The following CADM2 variants were observed in gnomAD, a reference collection of about 807,000 sequenced individuals.
CADM2 encodes the protein immunoglobulin superfamily member 4D.
Under a neutral mutation model 49.8 loss-of-function variants are expected in CADM2, and 12 were observed. That is an observed-to-expected ratio of 0.24 (90% CI 0.15 to 0.39). CADM2 has a LOEUF of 0.39. Ranked by LOEUF, CADM2 falls within the 10% of genes least tolerant of loss-of-function variation. CADM2 has a pLI of 1.00. For synonymous variants in CADM2, 214 were observed against 175.4 expected (o/e 1.22, Z -1.74); for missense variants, 378 against 492.3 (o/e 0.77, Z 2.20).
intron 1 of CADM2, among the ~76,000 whole-genome samples, chr3:85,100,451 C>T (rs2037970242): frequency 6.6e-6 from 1 of 152,122 alleles, no homozygotes; most frequent in Non-Finnish European, 1.5e-5. Flanking sequence ...TATCCTAATG[C>T]ATTGAAAAAT....
intron 8 of CADM2, among the ~76,000 whole-genome samples, chr3:86,019,485 C>T (rs1389064381): frequency 6.0e-5 from 9 of 150,714 alleles, no homozygotes; most frequent in East Asian, 2.0e-4. Flanking sequence ...GCCATTTTCA[C>T]GATATTGATT....
chr3:86,030,041 A>T (rs1047751499), intron 8 of CADM2, among the ~76,000 whole-genome samples: 2 of 151,950 alleles, frequency 1.3e-5, no homozygotes, highest in African/African-American at 2.4e-5. Flanking sequence ...TGTGTAGGTT[A>T]AGGAAGGGGG....
At chr3:85,578,899 T>C (rs1033818779) in intron 1 of CADM2, among the ~76,000 whole-genome samples, 2 of 152,164 alleles carry the variant, frequency 1.3e-5, no homozygotes, top group Non-Finnish European at 2.9e-5. Flanking sequence ...GTATTTTAAA[T>C]TGAAAAGGTG....
chr3:85,898,428 C>A (rs1293909130), intron 5 of CADM2, among the ~76,000 whole-genome samples: 1 of 152,052 alleles, frequency 6.6e-6, no homozygotes, highest in Non-Finnish European at 1.5e-5. Flanking sequence ...TTATTTATAT[C>A]CTTTCCAACA....
intron 1 of CADM2, among the ~76,000 whole-genome samples, chr3:85,691,981 G>A (rs2066402814): frequency 6.6e-6 from 1 of 152,108 alleles, no homozygotes. Context: ...GTTGTGGGGT[G>A]GGAGAAGGGG....
At chr3:85,855,641 T>TATATATATATATATATA (rs71112122) in intron 3 of CADM2, among the ~76,000 whole-genome samples, 1 of 133,178 alleles carries the variant, frequency 7.5e-6, no homozygotes, top group Non-Finnish European at 1.6e-5. Flanking sequence ...TATATATATA[T>TATATATATATATATATA]TTTGAGACGG....
chr3:85,852,447 A>G (rs951496433), intron 3 of CADM2, among the ~76,000 whole-genome samples: 1 of 152,142 alleles, frequency 6.6e-6, no homozygotes, highest in Admixed American at 6.5e-5. Flanking sequence ...GTGGACATTA[A>G]ATAAATACTC....
intron 1 of CADM2, among the ~76,000 whole-genome samples, chr3:85,345,779 TAAGTATAA>T (rs1216597215): frequency 6.6e-6 from 1 of 152,188 alleles, no homozygotes; most frequent in Non-Finnish European, 1.5e-5. Flanking sequence ...TGAATGAGAT[TAAGTATAA>T]ATGTCAATAT....
chr3:85,835,789 A>T (rs1184220579), intron 3 of CADM2, among the ~76,000 whole-genome samples: 2 of 148,388 alleles, frequency 1.3e-5, no homozygotes, highest in Admixed American at 1.4e-4. Context: ...CTTGCTTGCA[A>T]AAAACAGACT....
At chr3:85,590,284 G>A (rs1451748127) in intron 1 of CADM2, among the ~76,000 whole-genome samples, 1 of 152,038 alleles carries the variant, frequency 6.6e-6, no homozygotes, top group Non-Finnish European at 1.5e-5. Flanking sequence ...TGCTAAGGTA[G>A]AGAGAATAGT....
At chr3:85,145,103 A>T (rs1470220872) in intron 1 of CADM2, among the ~76,000 whole-genome samples, 5 of 152,142 alleles carry the variant, frequency 3.3e-5, no homozygotes, top group Admixed American at 1.3e-4. Flanking sequence ...GCTAAGGAAA[A>T]TTTTTTGGAA....
At chr3:85,043,285 A>G (rs936183719) in intron 1 of CADM2, among the ~76,000 whole-genome samples, 1 of 151,824 alleles carries the variant, frequency 6.6e-6, no homozygotes, top group East Asian at 2.0e-4. Flanking sequence ...ACTATTTCTC[A>G]TTTTCTTCAG....
At chr3:85,724,174 A>G (rs558549229) in intron 1 of CADM2, among the ~76,000 whole-genome samples, 92 of 152,124 alleles carry the variant, frequency 6.0e-4, no homozygotes, top group African/African-American at 2.1e-3. Context: ...AAAGATATGA[A>G]GAATTTGTAG....
intron 1 of CADM2, among the ~76,000 whole-genome samples, chr3:85,335,039 T>G (rs140466176): frequency 7.9e-5 from 12 of 151,458 alleles, no homozygotes; most frequent in African/African-American, 2.9e-4. Context: ...ATTTCTAGGT[T>G]GTGAAGATAT....
intron 3 of CADM2, among the ~76,000 whole-genome samples, chr3:85,825,484 C>A (rs768595396): frequency 1.3e-5 from 2 of 152,002 alleles, no homozygotes; most frequent in Admixed American, 6.6e-5. Flanking sequence ...CTTTCTTTGG[C>A]TGAACCTAAT....
rs900223373 is a variant in CADM2, at chr3:86,072,748, G to A, written c.*5965G>A. The A allele has an allele frequency of 1.3e-5, 2 of 151,984 alleles. No homozygotes were observed. The highest frequency in any genetic ancestry group is 2.9e-5 in the Non-Finnish European group (2 of 67,954). 9.4% of individuals were successfully genotyped at this position (151,984 alleles called of 1,614,324 possible). A position where few individuals can be genotyped will look rare whatever the true frequency, so the allele number is the denominator to read the frequency against. On this transcript the variant is annotated 3_prime_UTR_variant, in exon 10 of 10. Coordinates refer to ENST00000383699, the MANE Select transcript of CADM2 (RefSeq NM_001167675.2). ...ACGCAATAAAATATTGATGTTTGAA[G>A]GCAGTGGTCACCAATTGGTTAAAAA... is the stretch of plus-strand genomic sequence containing the variant.
At chr3:84,962,611 A>C (rs1451868064) in intron 1 of CADM2, among the ~76,000 whole-genome samples, 3 of 152,198 alleles carry the variant, frequency 2.0e-5, no homozygotes, top group Admixed American at 6.5e-5. Flanking sequence ...CGGGGGAACT[A>C]GTGAGCGACT....
chr3:85,588,762 G>A (rs1003175222), intron 1 of CADM2, among the ~76,000 whole-genome samples: 2 of 151,950 alleles, frequency 1.3e-5, no homozygotes, highest in African/African-American at 2.4e-5. Flanking sequence ...AAAGGCAAAT[G>A]TCAGCATCAG....
intron 1 of CADM2, among the ~76,000 whole-genome samples, chr3:85,155,720 C>G (rs2040088151): frequency 6.6e-6 from 1 of 152,106 alleles, no homozygotes; most frequent in Non-Finnish European, 1.5e-5. Flanking sequence ...TGTAAAAGAA[C>G]TGAAATTATA....
Sources: allele counts gnomAD v4.1 joint callset (sites outside exome capture counted in the v4.1 genomes callset), GRCh38; gene constraint gnomAD v4.1.1; transcripts MANE v1.5; gene names NCBI Gene and HGNC (gene_info 2026-07-23, HGNC 2026-07-21).